Variants in ROBO2 observed in about 807,000 individuals in gnomAD.
The protein encoded by ROBO2 is roundabout homolog 2.
A neutral mutation model predicts 160.8 loss-of-function variants in ROBO2; 53 were observed. That is an observed-to-expected ratio of 0.33 (90% CI 0.26 to 0.41). ROBO2 has a LOEUF of 0.41. Ranked by LOEUF, ROBO2 falls within the 10% of genes least tolerant of loss-of-function variation. The pLI is 1.00. For synonymous variants in ROBO2, 664 were observed against 611.7 expected (o/e 1.09, Z -1.26); for missense variants, 1,577 against 1,722.4 (o/e 0.92, Z 1.49).
chr3:77,248,832 T>G (rs2090039633), intron 2 of ROBO2, among the ~76,000 whole-genome samples: 1 of 151,192 alleles, frequency 6.6e-6, no homozygotes. Context: ...GGAGATCACT[T>G]GAACATAAAT....
chr3:76,717,582 C>T (rs546465065), intron 2 of ROBO2, among the ~76,000 whole-genome samples: 141 of 151,968 alleles, frequency 9.3e-4, no homozygotes, highest in Non-Finnish European at 1.2e-3. Flanking sequence ...ATTTGCACCA[C>T]GGAATATCAG....
In ROBO2 at chr3:75,936,041, A is replaced by T. The variant is rs545917753; in HGVS notation, c.-13-1440A>T. Among the ~76,000 whole-genome samples, 1,381 of 152,318 alleles carry T rather than the reference A, an allele frequency of 9.1e-3. 16 individuals carry two copies. The highest frequency in any genetic ancestry group is 0.032 in the African/African-American group (1,331 of 41,570). On this transcript the variant is annotated intron_variant, in intron 1 of 26. Transcript: ENST00000487694. Reference sequence around the variant, plus strand: ...CATTTAGCACAGTAAAATAACCTGGATTACAGTAACTTTTCATGGAGTGTT... The same window carrying T: ...CATTTAGCACAGTAAAATAACCTGGTTTACAGTAACTTTTCATGGAGTGTT...
intron 2 of ROBO2, among the ~76,000 whole-genome samples, chr3:76,353,975 G>A (rs911923200): frequency 1.3e-5 from 2 of 151,838 alleles, no homozygotes; most frequent in African/African-American, 2.4e-5. Context: ...CGGAGACGAA[G>A]AACAGTTAAC....
At chr3:76,065,026 G>C (rs182852943) in intron 2 of ROBO2, among the ~76,000 whole-genome samples, 227 of 151,996 alleles carry the variant, frequency 1.5e-3, no homozygotes, top group African/African-American at 5.3e-3. Flanking sequence ...GTTATATTGA[G>C]TCCATATATA....
At chr3:76,105,195 A>T (rs1023936993) in intron 2 of ROBO2, among the ~76,000 whole-genome samples, 1 of 152,174 alleles carries the variant, frequency 6.6e-6, no homozygotes, top group Non-Finnish European at 1.5e-5. Context: ...GAAAAAAAAA[A>T]ACACTATTCT....
chr3:76,969,731 T>C (rs1422550635), intron 2 of ROBO2, among the ~76,000 whole-genome samples: 1 of 152,106 alleles, frequency 6.6e-6, no homozygotes, highest in East Asian at 1.9e-4. Flanking sequence ...TTATAAATTA[T>C]TGGTGCTTTG....
intron 2 of ROBO2, among the ~76,000 whole-genome samples, chr3:77,420,913 T>A (rs2077654729): frequency 6.6e-6 from 1 of 152,190 alleles, no homozygotes; most frequent in Admixed American, 6.5e-5. Flanking sequence ...GATTTTAGTA[T>A]GTGATTATAT....
intron 2 of ROBO2, among the ~76,000 whole-genome samples, chr3:76,846,900 G>A (rs9848426): frequency 6.7e-4 from 102 of 151,986 alleles, no homozygotes; most frequent in African/African-American, 2.4e-3. Context: ...CTAACCTTGT[G>A]ATTCACATCT....
intron 2 of ROBO2, among the ~76,000 whole-genome samples, chr3:76,062,111 T>A (rs1433475036): frequency 6.6e-6 from 1 of 152,170 alleles, no homozygotes; most frequent in Non-Finnish European, 1.5e-5. Context: ...CTATGTAACC[T>A]AACACATTCA....
At chr3:77,264,581 G>T (rs539985967) in intron 2 of ROBO2, among the ~76,000 whole-genome samples, 8 of 152,184 alleles carry the variant, frequency 5.3e-5, no homozygotes, top group African/African-American at 1.7e-4. Flanking sequence ...GCCAGGAAGA[G>T]AAATATCCTT....
At chr3:75,911,106 T>C (rs765098195) in intron 1 of ROBO2, among the ~76,000 whole-genome samples, 2 of 152,146 alleles carry the variant, frequency 1.3e-5, no homozygotes, top group Non-Finnish European at 2.9e-5. Flanking sequence ...TAGTGTGATA[T>C]ATATTTTGAA....
chr3:76,679,435 T>G (rs1248199368), intron 2 of ROBO2, among the ~76,000 whole-genome samples: 1 of 152,142 alleles, frequency 6.6e-6, no homozygotes, highest in Non-Finnish European at 1.5e-5. Context: ...ATACTAAAAT[T>G]GTAAGCTGCA....
rs113229078 is a variant in ROBO2, at chr3:76,177,459, T to C, written c.109+239857T>C. Among the ~76,000 whole-genome samples the C allele has an allele frequency of 3.8e-3, 582 of 152,272 alleles. 6 individuals carry two copies. Among genetic ancestry groups the C allele is most frequent in the African/African-American group, 0.012 (498 of 41,556 alleles). On this transcript the variant is annotated intron_variant, in intron 2 of 26. Coordinates refer to the ROBO2 transcript ENST00000487694. ...GAAACAGTATGGGGAGCAATGTTGA[T>C]ATGTTTGGGCTAAGTAGCTGTCAAT...
chr3:76,457,895 G>A (rs578001189), intron 2 of ROBO2, among the ~76,000 whole-genome samples: 45 of 152,206 alleles, frequency 3.0e-4, no homozygotes, highest in African/African-American at 9.9e-4. Context: ...TGGTTGGGGC[G>A]ACTGGGACAC....
chr3:76,596,388 G>A (rs763659402), intron 2 of ROBO2, among the ~76,000 whole-genome samples: 30 of 152,076 alleles, frequency 2.0e-4, no homozygotes, highest in African/African-American at 5.3e-4. Context: ...GAAGAGTAGC[G>A]CATGTAGAAA....
intron 2 of ROBO2, among the ~76,000 whole-genome samples, chr3:76,534,904 TGTAAAGAAGAAG>T (rs1039223845): frequency 1.3e-4 from 20 of 152,082 alleles, no homozygotes; most frequent in African/African-American, 4.6e-4. Flanking sequence ...GGAAATGGGC[TGTAAAGAAGAAG>T]GTCATCAACA....
At chr3:76,514,089 T>C (rs2081237267) in intron 2 of ROBO2, among the ~76,000 whole-genome samples, 1 of 152,190 alleles carries the variant, frequency 6.6e-6, no homozygotes, top group South Asian at 2.1e-4. Flanking sequence ...TACCTGTCAC[T>C]CTTTTATTTT....
intron 2 of ROBO2, among the ~76,000 whole-genome samples, chr3:76,075,292 T>A (rs1023013165): frequency 5.3e-5 from 8 of 151,922 alleles, no homozygotes; most frequent in African/African-American, 1.9e-4. Flanking sequence ...GTGTCCTTAT[T>A]ACCAGGAAAG....
At chr3:76,054,727 A>G (rs1469430613) in intron 2 of ROBO2, among the ~76,000 whole-genome samples, 1 of 152,212 alleles carries the variant, frequency 6.6e-6, no homozygotes, top group African/African-American at 2.4e-5. Context: ...TTTCAGAAAT[A>G]ATTTTAAACA....
Sources: allele counts gnomAD v4.1 joint callset (sites outside exome capture counted in the v4.1 genomes callset), GRCh38; gene constraint gnomAD v4.1.1; transcripts MANE v1.5; gene names NCBI Gene and HGNC (gene_info 2026-07-23, HGNC 2026-07-21).